The following GPR108 variants were observed in gnomAD, a reference collection of about 807,000 sequenced individuals.
GPR108 encodes protein GPR108.
Under a neutral mutation model 74.3 loss-of-function variants are expected in GPR108, and 60 were observed. That is an observed-to-expected ratio of 0.81 (90% CI 0.66 to 1.00). The LOEUF (loss-of-function observed/expected upper bound fraction) is 1.00, where lower values mean the gene tolerates loss of function less well. GPR108 is among the 50% of genes least tolerant of loss of function. The pLI, the probability that GPR108 is intolerant of heterozygous loss-of-function variation, is 0.00. For missense variants in GPR108, 667 were observed against 703.3 expected (o/e 0.95, Z 0.58); for synonymous variants, 311 against 292.4 (o/e 1.06, Z -0.65).
chr19:6,737,208 A>G, intron 1 of GPR108: 1 of 517,904 alleles, frequency 1.9e-6, no homozygotes, highest in South Asian at 2.4e-5. Context: ...AGGGGGGTGT[A>G]GTCCCCAAGA....
At position 6,732,033 on chromosome 19, in the gene GPR108, G is replaced by A. The variant is rs755566793; in HGVS notation, c.1248C>T (p.Pro416=). Residue 416 remains proline, a synonymous_variant, in exon 13 of 18, where the codon CCC becomes CCT. Transcript: ENST00000264080. ...GGGGGCAGGGTCCTCACCAGACTAC[G>A]GGGAACAGGATGGCACCACAGCAGA... ...DLICCGAILF[P]VVWSIRHLQD... The A allele has an allele frequency of 2.7e-5, 44 of 1,613,808 alleles. No individual in the cohort carries two copies. The highest frequency in any genetic ancestry group is 3.3e-5 in the Non-Finnish European group (39 of 1,180,000).
chr19:6,731,968 C>T lies in GPR108; in HGVS notation c.1257-34G>A, dbSNP rs375787971. On this transcript the variant is annotated intron_variant, in intron 13 of 17. Coordinates refer to ENST00000264080, the MANE Select transcript of GPR108 (RefSeq NM_001080452.2). ...AGTGGAGGACACAGGGTACGGTCAGCGCGGACATCGCCCATGTGCACAGGG... is the reference window on the plus strand; with the variant it reads ...AGTGGAGGACACAGGGTACGGTCAGTGCGGACATCGCCCATGTGCACAGGG... 73 of 1,613,212 alleles carry T rather than the reference C, an allele frequency of 4.5e-5. No homozygotes were observed. The African/African-American group carries it at 4.9e-4, about 11-fold the overall frequency.
chr19:6,735,574 G>A (rs1299719313), intron 4 of GPR108, 48 bp downstream of exon 4: 5 of 1,529,458 alleles, frequency 3.3e-6, no homozygotes, highest in Non-Finnish European at 3.6e-6. Context: ...CATCACACCA[G>A]GGAAACGCAG....
At chr19:6,730,544 C>A in intron 17 of GPR108, 160 bp from the exon 18 acceptor site, 1 of 648,782 alleles carries the variant, frequency 1.5e-6, no homozygotes, top group Non-Finnish European at 2.8e-6. Context: ...CACCTCGCTC[C>A]CACAGCAGCG....
At position 6,737,547 on chromosome 19, in the gene GPR108, G is replaced by T; in HGVS notation, c.30C>A (p.Gly10=). The change falls in exon 1 of 18, where the codon GGC becomes GGA. Residue 10 remains glycine (G), a synonymous_variant. Coordinates refer to ENST00000264080, the MANE Select transcript of GPR108 (RefSeq NM_001080452.2). The part of the protein sequence containing the change: MAVSERRGL[G]RGSPAEWGQR... ...GCCCCCACTCCGCGGGGCTCCCGCG[G>T]CCGAGCCCCCTCCTCTCGCTCACTG... is the stretch of plus-strand genomic sequence containing the variant. The T allele has an allele frequency of 6.5e-7, 1 of 1,540,920 alleles. No homozygotes were observed. Among genetic ancestry groups the T allele is most frequent in the Admixed American group, 2.0e-5 (1 of 51,146 alleles).
intron 10 of GPR108, 127 bp from the exon 11 acceptor site, chr19:6,732,676 C>A: frequency 1.3e-6 from 1 of 768,486 alleles, no homozygotes; most frequent in Non-Finnish European, 2.2e-6. Context: ...ATAATGAGGA[C>A]GGTGGGTGGG....
rs905201525 is a variant in GPR108 at position 6,737,303 on chromosome 19, G to A, written c.120+154C>T. ...CATCCGGAGGACCGAAGGGGATCCC[G>A]GGACGAGACCACTCCGGGCCCGGAA... On this transcript the variant is annotated intron_variant, in intron 1 of 17. Coordinates refer to ENST00000264080, the MANE Select transcript of GPR108 (RefSeq NM_001080452.2). The A allele has an allele frequency of 8.0e-6, 8 of 994,270 alleles. No homozygotes were observed. The Admixed American group carries it at 1.1e-4, about 13-fold the overall frequency. The allele number at this position is 994,270 out of a possible 1,614,324, so 61.6% of individuals were successfully genotyped here.
intron 1 of GPR108, chr19:6,737,245 G>A (rs539434926): frequency 1.9e-5 from 11 of 585,994 alleles, no homozygotes; most frequent in Middle Eastern, 4.6e-4. Flanking sequence ...CGAAGGGAGG[G>A]GGCCGACCCC....
rs375471822 is a variant in GPR108, at chr19:6,735,933, C to T, written c.266G>A (p.Arg89Gln). Reference protein sequence around the residue: ...LLVGFSLSRVRSGRVRSYSTR... With the variant: ...LLVGFSLSRVQSGRVRSYSTR... ...TGAATAGGAGCGAACTCTGCCAGACCGAACCCGGCTGAGACTGAACCCCAC... is the reference window on the plus strand; with the variant it reads ...TGAATAGGAGCGAACTCTGCCAGACTGAACCCGGCTGAGACTGAACCCCAC... Residue 89 changes from arginine (R) to glutamine (Q), a missense_variant, in exon 3 of 18, where the codon CGG becomes CAG. Coordinates refer to ENST00000264080, the MANE Select transcript of GPR108 (RefSeq NM_001080452.2). The T allele has an allele frequency of 9.7e-5, 157 of 1,611,428 alleles. No individual in the cohort carries two copies. The East Asian group carries it at 1.2e-3, about 12-fold the overall frequency.
intron 14 of GPR108, 43 bp from the exon 15 acceptor site, chr19:6,731,565 TG>T: frequency 3.5e-5 from 1 of 28,776 alleles, no homozygotes. Flanking sequence ...AGACTGAGGG[TG>T]GGAGGGAGGG....
At chr19:6,734,420 G>T in intron 4 of GPR108, 113 bp from the exon 5 acceptor site, 1 of 980,150 alleles carries the variant, frequency 1.0e-6, no homozygotes, top group Non-Finnish European at 1.5e-6. Context: ...GAGGGGCGGG[G>T]TCCAGTCGAG....
At chr19:6,734,886 TTATTATTA>T (rs1968570221) in intron 4 of GPR108, among the ~76,000 whole-genome samples, 1 of 135,166 alleles carries the variant, frequency 7.4e-6, no homozygotes, top group East Asian at 2.0e-4. Flanking sequence ...ATTATTATTA[TTATTATTA>T]TTTTGAGACA....
chr19:6,737,352 C>CGGGG, intron 1 of GPR108, 105 bp downstream of exon 1: 2 of 1,357,706 alleles, frequency 1.5e-6, no homozygotes, highest in Admixed American at 6.1e-5. Flanking sequence ...GACCACTCCA[C>CGGGG]CGCCTCGGGG....
chr19:6,733,712 G>T (rs370612328), intron 7 of GPR108, 38 bp from the exon 8 acceptor site: 20 of 1,598,508 alleles, frequency 1.3e-5, no homozygotes, highest in East Asian at 4.5e-5. Context: ...CAGCCTGGGG[G>T]ACCCGTGGTC....
At chr19:6,733,790 T>TG (rs1968519894) in intron 7 of GPR108, 55 bp downstream of exon 7, 2 of 1,600,574 alleles carry the variant, frequency 1.2e-6, no homozygotes, top group Non-Finnish European at 1.7e-6. Context: ...GGGCTCAGCT[T>TG]GGGGGTCCCG....
Position 6,730,143 on chromosome 19 carries a change from G to A in GPR108, c.*169C>T, listed in dbSNP as rs1968325597. ...GACAGGGCTGCCCAATATTTGGGGG[G>A]AGGAAGGGACTCTTCTTCCAAATGG... On this transcript the variant is annotated 3_prime_UTR_variant, in exon 18 of 18. Transcript: ENST00000264080. The A allele has an allele frequency of 1.5e-6, 1 of 646,342 alleles. No individual in the cohort carries two copies. The highest frequency in any genetic ancestry group is 1.8e-5 in the African/African-American group (1 of 54,972). 40.0% of individuals were successfully genotyped at this position (646,342 alleles called of 1,614,324 possible).
At chr19:6,732,908 G>C in intron 10 of GPR108, 79 bp downstream of exon 10, 1 of 1,319,710 alleles carries the variant, frequency 7.6e-7, no homozygotes, top group African/African-American at 1.5e-5. Flanking sequence ...CACAGGCCCA[G>C]GGTCTGCAGA....
In GPR108 at chr19:6,733,728, C is replaced by A; in HGVS notation, c.619-54G>T. The A allele has an allele frequency of 5.1e-6, 8 of 1,582,726 alleles. No individual in the cohort carries two copies. The South Asian group carries it at 8.8e-5, about 17-fold the overall frequency. ...AGCCTGGGGGACCCGTGGTCTGGGG[C>A]GACAATCAGCTTGGGGGTCCCATGG... On this transcript the variant is annotated intron_variant, in intron 7 of 17. Coordinates refer to ENST00000264080, the MANE Select transcript of GPR108 (RefSeq NM_001080452.2).
chr19:6,737,062 G>C, intron 1 of GPR108: 1 of 389,614 alleles, frequency 2.6e-6, no homozygotes, highest in Non-Finnish European at 4.8e-6. Context: ...TATTTCAACA[G>C]AACCCCCCAA....
Sources: gnomAD v4.1 joint callset for allele counts (sites outside exome capture counted in the v4.1 genomes callset) on GRCh38, gnomAD v4.1.1 for gene constraint, MANE v1.5 for transcripts, NCBI Gene and HGNC (gene_info 2026-07-23, HGNC 2026-07-21) for gene names.